Variants in FRYL observed in about 807,000 individuals in gnomAD.
The protein encoded by FRYL is FRY like transcription coactivator.
Under a neutral mutation model 351.2 loss-of-function variants are expected in FRYL, and 150 were observed. The observed-to-expected ratio is 0.43, with a 90% CI of 0.37 to 0.49. The LOEUF (loss-of-function observed/expected upper bound fraction) is 0.49, where lower values mean the gene tolerates loss of function less well. Among genes scored for constraint, FRYL ranks in the 20% least tolerant of loss-of-function variants. FRYL has a pLI of 0.00. For synonymous variants in FRYL, 1,153 were observed against 1,257.1 expected (o/e 0.92, Z 1.75); for missense variants, 3,036 against 3,619.3 (o/e 0.84, Z 4.13).
intron 50 of FRYL, among the ~76,000 whole-genome samples, chr4:48,529,323 T>C (rs527761500): frequency 1.3e-5 from 2 of 152,338 alleles, no homozygotes; most frequent in Non-Finnish European, 2.9e-5. Flanking sequence ...CATGTGTGAT[T>C]GCCTCTATAC....
At chr4:48,717,015 C>G (rs1228183251) in intron 1 of FRYL, among the ~76,000 whole-genome samples, 5 of 149,710 alleles carry the variant, frequency 3.3e-5, no homozygotes, top group Non-Finnish European at 7.4e-5. Flanking sequence ...AGTAAACTAT[C>G]GCAAGAACAA....
At chr4:48,738,191 T>C (rs1260037021) in intron 1 of FRYL, among the ~76,000 whole-genome samples, 1 of 152,186 alleles carries the variant, frequency 6.6e-6, no homozygotes, top group Non-Finnish European at 1.5e-5. Flanking sequence ...GACAGGATCA[T>C]TTATGTAGAA....
intron 49 of FRYL, among the ~76,000 whole-genome samples, chr4:48,531,686 C>T (rs548111279): frequency 7.2e-5 from 11 of 152,236 alleles, no homozygotes; most frequent in Middle Eastern, 3.4e-3. Context: ...TTTGTATATA[C>T]GTCAGCTTTT....
intron 1 of FRYL, among the ~76,000 whole-genome samples, chr4:48,758,881 C>T (rs1311177099): frequency 1.3e-5 from 2 of 152,140 alleles, no homozygotes; most frequent in Non-Finnish European, 2.9e-5. Flanking sequence ...CACATATACA[C>T]CATGGAATAC....
chr4:48,543,965 C>G lies in FRYL; in HGVS notation c.5434G>C (p.Val1812Leu). ...CAGGAAAGTGCTGTTTGCAGAGCAA[C>G]TTCACTAAGATGATGTTCCAGATGA... ...GIHLEHHLSE[V>L]ALQTALSCSS... Residue 1812 changes from valine (V) to leucine (L), a missense_variant, in exon 44 of 64, where the codon GTT becomes CTT. This residue lies in a region of FRYL where 1,987 missense variants were observed against 2,311.7 expected (regional missense o/e 0.86). Coordinates refer to ENST00000358350, the MANE Select transcript of FRYL (RefSeq NM_015030.2). 2.5e-6 allele frequency: 4 copies of G among 1,613,744 alleles called. No homozygotes were observed. Among genetic ancestry groups the G allele is most frequent in the Non-Finnish European group, 3.4e-6 (4 of 1,179,762 alleles).
intron 61 of FRYL, 21 bp downstream of exon 61, chr4:48,502,806 TA>T: frequency 1.9e-6 from 3 of 1,600,488 alleles, no homozygotes; most frequent in Non-Finnish European, 1.7e-6. Flanking sequence ...GAGTAGTCTA[TA>T]AATCAAGACA....
At chr4:48,695,961 T>G (rs1766119340) in intron 2 of FRYL, among the ~76,000 whole-genome samples, 2 of 152,048 alleles carry the variant, frequency 1.3e-5, no homozygotes, top group African/African-American at 4.8e-5. Flanking sequence ...GAAATGCAAA[T>G]CAAAACCACA....
intron 9 of FRYL, 136 bp downstream of exon 9, chr4:48,608,851 A>G (rs1452955487): frequency 1.5e-6 from 1 of 652,874 alleles, no homozygotes; most frequent in Non-Finnish European, 2.8e-6. Context: ...ACAGAGCAGT[A>G]AAGTAATAAA....
intron 1 of FRYL, among the ~76,000 whole-genome samples, chr4:48,735,139 C>T (rs1771176784): frequency 1.1e-5 from 1 of 94,240 alleles, no homozygotes; most frequent in Non-Finnish European, 2.1e-5. Flanking sequence ...AAACAAACAA[C>T]CCCATCAAAA....
chr4:48,682,512 T>C (rs1403240924), intron 3 of FRYL, among the ~76,000 whole-genome samples: 2 of 152,160 alleles, frequency 1.3e-5, no homozygotes, highest in Admixed American at 6.5e-5. Flanking sequence ...TTTCACAATC[T>C]ATTCATCTGA....
At chr4:48,627,650 G>A (rs1213546218) in intron 4 of FRYL, among the ~76,000 whole-genome samples, 1 of 152,092 alleles carries the variant, frequency 6.6e-6, no homozygotes, top group Non-Finnish European at 1.5e-5. Context: ...CAGAAAAACA[G>A]AAAACATGAA....
intron 1 of FRYL, among the ~76,000 whole-genome samples, chr4:48,743,732 T>C (rs1772368876): frequency 6.6e-6 from 1 of 152,176 alleles, no homozygotes; most frequent in Non-Finnish European, 1.5e-5. Flanking sequence ...GTAAAGCAGA[T>C]TACTCTCCAA....
chr4:48,700,217 T>G (rs1054957228), intron 2 of FRYL, among the ~76,000 whole-genome samples: 2 of 152,228 alleles, frequency 1.3e-5, no homozygotes, highest in Non-Finnish European at 2.9e-5. Context: ...ACAAAAGATT[T>G]TTTTTTAATA....
chr4:48,600,731 T>C (rs1315948193), intron 13 of FRYL, among the ~76,000 whole-genome samples: 1 of 152,148 alleles, frequency 6.6e-6, no homozygotes, highest in Non-Finnish European at 1.5e-5. Context: ...AATCATACTA[T>C]CCAGAAAAAT....
Position 48,753,336 on chromosome 4 carries a change from TA to T in FRYL, c.-384+26741del, listed in dbSNP as rs1212881069. On this transcript the variant is annotated intron_variant, in intron 1 of 63. Coordinates refer to ENST00000358350, the MANE Select transcript of FRYL (RefSeq NM_015030.2). ...TATAAAAGGTACAACTGAGAGAAGTTAGGGGGGAAGGTGGAGAAAAGAAGGA... is the reference window on the plus strand; with the variant it reads ...TATAAAAGGTACAACTGAGAGAAGTTGGGGGGAAGGTGGAGAAAAGAAGGA... Among the ~76,000 whole-genome samples the T allele has an allele frequency of 3.3e-5, 5 of 152,192 alleles. No individual in the cohort carries two copies. In the South Asian group the frequency reaches 6.2e-4, roughly 19 times the overall value.
At chr4:48,632,106 A>ATATATATATATATATG (rs1753275669) in intron 4 of FRYL, among the ~76,000 whole-genome samples, 3 of 58,202 alleles carry the variant, frequency 5.2e-5, no homozygotes, top group Non-Finnish European at 7.3e-5. Context: ...ATATATATAT[A>ATATATATATATATATG]TATATATATA....
Position 48,586,723 on chromosome 4 carries a change from TC to T in FRYL, c.1645del (p.Glu549LysfsTer19). 1.3e-6 allele frequency: 2 copies of T among 1,598,022 alleles called. No homozygotes were observed. Among genetic ancestry groups the T allele is most frequent in the Non-Finnish European group, 1.7e-6 (2 of 1,169,308 alleles). On this transcript the variant is annotated frameshift_variant, in exon 19 of 64. Transcript: ENST00000358350. LOFTEE classifies it high-confidence loss of function. ...AAACAAATCAATCTTGGGTTTTCTT[TC>T]CCCCCTGAAAAATACAACAGGATTT... Reference protein sequence around the residue: ...NKEPEDMITGERKPKIDLFRT... With the variant: ...NKEPEDMITGXRKPKIDLFRT...
At position 48,497,767 on chromosome 4, in the gene FRYL, G is replaced by C. The variant is rs1014771847; in HGVS notation, c.*1655C>G. ...CCATCAAAATAATTGTCTTTATCAG[G>C]GTCAAAAAATACAGTGATTATGAAT... On this transcript the variant is annotated 3_prime_UTR_variant, in exon 64 of 64. Coordinates refer to ENST00000358350, the MANE Select transcript of FRYL (RefSeq NM_015030.2). The C allele has an allele frequency of 2.0e-5, 3 of 152,434 alleles. No homozygotes were observed. The highest frequency in any genetic ancestry group is 7.2e-5 in the African/African-American group (3 of 41,404). 9.4% of individuals were successfully genotyped at this position (152,434 alleles called of 1,614,324 possible).
intron 3 of FRYL, among the ~76,000 whole-genome samples, chr4:48,683,204 T>C (rs912416295): frequency 1.3e-5 from 2 of 151,608 alleles, no homozygotes; most frequent in African/African-American, 4.8e-5. Context: ...TCACTCATAA[T>C]TGGGAGTTGA....
Sources: allele counts gnomAD v4.1 joint callset (sites outside exome capture counted in the v4.1 genomes callset), GRCh38; gene constraint gnomAD v4.1.1; regional missense constraint gnomAD v4.1.1; transcripts MANE v1.5; gene names NCBI Gene and HGNC (gene_info 2026-07-23, HGNC 2026-07-21).